Variants in LMO7 observed in about 807,000 individuals in gnomAD.
LMO7 encodes LIM domain 7.
In LMO7, 120 loss-of-function variants were observed where a neutral mutation model predicts 206.5. The observed-to-expected ratio is 0.58, with a 90% CI of 0.50 to 0.68. LMO7 has a LOEUF of 0.68. Ranked by LOEUF, LMO7 falls within the 30% of genes least tolerant of loss-of-function variation. LMO7 has a pLI of 0.00. For missense variants in LMO7, 1,959 were observed against 1,957.9 expected (o/e 1.00, Z -0.01); for synonymous variants, 706 against 681.5 (o/e 1.04, Z -0.56).
intron 15 of LMO7, among the ~76,000 whole-genome samples, chr13:75,827,336 G>A (rs189871790): frequency 2.0e-5 from 3 of 152,234 alleles, no homozygotes; most frequent in East Asian, 1.9e-4. Context: ...GTTATTTTAC[G>A]AAAGCTAAGT....
At chr13:75,752,611 C>A (rs1026238104) in intron 3 of LMO7, among the ~76,000 whole-genome samples, 1 of 152,144 alleles carries the variant, frequency 6.6e-6, no homozygotes, top group African/African-American at 2.4e-5. Flanking sequence ...TGCTGTGAGT[C>A]CCCATTGTCC....
chr13:75,781,814 C>T (rs978076159), intron 4 of LMO7, among the ~76,000 whole-genome samples: 4 of 152,162 alleles, frequency 2.6e-5, no homozygotes, highest in Non-Finnish European at 4.4e-5. Context: ...TTTATGATTG[C>T]CATTCTAACT....
intron 2 of LMO7, among the ~76,000 whole-genome samples, chr13:75,720,923 C>A (rs2043969386): frequency 6.6e-6 from 1 of 152,042 alleles, no homozygotes; most frequent in African/African-American, 2.4e-5. Flanking sequence ...ATATTGAATG[C>A]TTTTAGACTT....
chr13:75,716,676 T>G (rs1340079202), intron 2 of LMO7, among the ~76,000 whole-genome samples: 1 of 152,154 alleles, frequency 6.6e-6, no homozygotes, highest in Non-Finnish European at 1.5e-5. Context: ...TCAGTATTTC[T>G]TAGTGTTCAT....
chr13:75,840,517 G>T lies in LMO7; in HGVS notation c.3582+22G>T, dbSNP rs367982348. On this transcript the variant is annotated intron_variant, in intron 22 of 30. Coordinates refer to ENST00000377534, the MANE Select transcript of LMO7 (RefSeq NM_001306080.2). ...GCAGGTAGCTCTGGCTCACGTGGACGGGTAGAAACTAGGTTGGATTTCACG... is the reference window on the plus strand; with the variant it reads ...GCAGGTAGCTCTGGCTCACGTGGACTGGTAGAAACTAGGTTGGATTTCACG... The T allele has an allele frequency of 1.9e-5, 30 of 1,610,794 alleles. No individual in the cohort carries two copies. The Admixed American group carries it at 5.0e-4, about 27-fold the overall frequency.
At chr13:75,670,780 A>C (rs752598241) in intron 1 of LMO7, among the ~76,000 whole-genome samples, 1 of 152,058 alleles carries the variant, frequency 6.6e-6, no homozygotes, top group Non-Finnish European at 1.5e-5. Flanking sequence ...CACTATACTA[A>C]ATTTATAAAA....
At chr13:75,621,725 C>A in exon 1 of LMO7, 1 of 1,592,608 alleles carries the variant, frequency 6.3e-7, no homozygotes, top group Non-Finnish European at 8.5e-7. Flanking sequence ...CATATTTTCA[C>A]GTTTTACAGT....
chr13:75,704,331 A>G (rs2042501767), intron 1 of LMO7, among the ~76,000 whole-genome samples: 1 of 152,010 alleles, frequency 6.6e-6, no homozygotes, highest in South Asian at 2.1e-4. Context: ...GTTTGTTGGG[A>G]TATTTTTGTT....
upstream of LMO7, among the ~76,000 whole-genome samples, chr13:75,634,653 G>GA (rs1264043250): frequency 7.2e-5 from 11 of 152,270 alleles, no homozygotes; most frequent in East Asian, 1.9e-3. Flanking sequence ...TGAGGCAGGA[G>GA]AATGGCGTGG....
chr13:75,748,082 T>C (rs974625314), intron 3 of LMO7, among the ~76,000 whole-genome samples: 1 of 152,166 alleles, frequency 6.6e-6, no homozygotes, highest in African/African-American at 2.4e-5. Flanking sequence ...AACAGGGTTA[T>C]GAGCCAAGGA....
At chr13:75,810,824 T>C (rs1484122646) in intron 11 of LMO7, among the ~76,000 whole-genome samples, 1 of 152,200 alleles carries the variant, frequency 6.6e-6, no homozygotes, top group Non-Finnish European at 1.5e-5. Flanking sequence ...GGGTAAATTA[T>C]ATGACTGAGT....
At chr13:75,721,448 T>C (rs765777588) in intron 2 of LMO7, among the ~76,000 whole-genome samples, 9 of 152,350 alleles carry the variant, frequency 5.9e-5, no homozygotes, top group Non-Finnish European at 1.3e-4. Context: ...GCTCTGCTGC[T>C]GATCCCAGCA....
At chr13:75,831,007 G>A (rs926715502) in intron 15 of LMO7, among the ~76,000 whole-genome samples, 3 of 146,230 alleles carry the variant, frequency 2.1e-5, no homozygotes, top group Non-Finnish European at 4.5e-5. Flanking sequence ...TTTTTTTTTT[G>A]TAAGAGTGGT....
rs78397927 is a variant in LMO7 at position 75,705,114 on chromosome 13, G to C, written c.70-8068G>C. Among the ~76,000 whole-genome samples the C allele has an allele frequency of 5.3e-3, 811 of 152,228 alleles. 6 individuals carry two copies. The highest frequency in any genetic ancestry group is 0.019 in the African/African-American group (782 of 41,556). ...GGCCGCTCCGCCCTTCATATGCTCG[G>C]GTAGGCTAATTACAACCTCAGAGGA... On this transcript the variant is annotated intron_variant, in intron 1 of 30. Coordinates refer to ENST00000377534, the MANE Select transcript of LMO7 (RefSeq NM_001306080.2).
rs552675352 is a variant in LMO7, at chr13:75,805,717, A to G, written c.1153A>G (p.Arg385Gly). 7.4e-6 allele frequency: 12 copies of G among 1,614,056 alleles called. No homozygotes were observed. In the Admixed American group the frequency reaches 2.0e-4, roughly 27 times the overall value. The change falls in exon 9 of 31, where the codon AGG (arginine) becomes GGG (glycine). Residue 385 changes from arginine to glycine, a missense_variant. Arg to Gly is a moderately radical substitution (Grantham distance 125). Transcript: ENST00000377534. ...AGATGTGAACTGGAAAAGAATAAAA[A>G]GGGAAACTTATAAGCCATGGTATAA... Reference protein sequence around the residue: ...PEDVNWKRIKRETYKPWYKEF... With the variant: ...PEDVNWKRIKGETYKPWYKEF...
At chr13:75,669,057 C>A (rs2039316379) in intron 1 of LMO7, among the ~76,000 whole-genome samples, 1 of 152,102 alleles carries the variant, frequency 6.6e-6, no homozygotes, top group Non-Finnish European at 1.5e-5. Context: ...CCCTGAGGAA[C>A]AGTCATGTCT....
chr13:75,739,998 T>C (rs1483103148), intron 3 of LMO7, among the ~76,000 whole-genome samples: 1 of 152,146 alleles, frequency 6.6e-6, no homozygotes, highest in African/African-American at 2.4e-5. Context: ...CTCATCTAAG[T>C]TGAAATAACA....
intron 1 of LMO7, among the ~76,000 whole-genome samples, chr13:75,661,362 T>G (rs1566284676): frequency 6.6e-6 from 1 of 152,248 alleles, no homozygotes; most frequent in Non-Finnish European, 1.5e-5. Context: ...AATTCACATC[T>G]ATGAAAATGC....
At chr13:75,812,118 T>TGC (rs1566520183) in intron 11 of LMO7, among the ~76,000 whole-genome samples, 2 of 152,154 alleles carry the variant, frequency 1.3e-5, no homozygotes, top group African/African-American at 4.8e-5. Flanking sequence ...GGGGTGTGTG[T>TGC]GCTACTGGCA....
Sources: allele counts gnomAD v4.1 joint callset (sites outside exome capture counted in the v4.1 genomes callset), GRCh38; gene constraint gnomAD v4.1.1; transcripts MANE v1.5; gene names NCBI Gene and HGNC (gene_info 2026-07-23, HGNC 2026-07-21).